The following MAD1L1 variants were observed in gnomAD, a reference collection of about 807,000 sequenced individuals.
MAD1L1 encodes the protein mitotic arrest deficient 1 like 1, also known as mitotic spindle assembly checkpoint protein MAD1.
In MAD1L1, 95 loss-of-function variants were observed where a neutral mutation model predicts 96.9. The ratio of observed to expected loss-of-function variants is 0.98; its 90% CI spans 0.83 to 1.16. The LOEUF (loss-of-function observed/expected upper bound fraction) is 1.16, where lower values mean the gene tolerates loss of function less well. Ranked by LOEUF, MAD1L1 falls within the 50% of genes most tolerant of loss-of-function variation. MAD1L1 has a pLI of 0.00. For synonymous variants in MAD1L1, 473 were observed against 396.6 expected (o/e 1.19, Z -2.29); for missense variants, 1,007 against 954.4 (o/e 1.06, Z -0.73).
intron 17 of MAD1L1, among the ~76,000 whole-genome samples, chr7:1,914,217 T>C (rs1429447721): frequency 1.3e-5 from 2 of 152,294 alleles, no homozygotes; most frequent in South Asian, 2.1e-4. Context: ...GAGATGGCGC[T>C]GTGATGGGTG....
chr7:1,863,578 C>G (rs376177744), intron 18 of MAD1L1, among the ~76,000 whole-genome samples: 35 of 152,240 alleles, frequency 2.3e-4, no homozygotes, highest in African/African-American at 8.4e-4. Flanking sequence ...ATCTCACCCC[C>G]AGACCCAGGA....
chr7:1,915,916 A>T (rs1360540889), intron 17 of MAD1L1, among the ~76,000 whole-genome samples: 1 of 152,214 alleles, frequency 6.6e-6, no homozygotes, highest in Non-Finnish European at 1.5e-5. Context: ...GATTCGTTAT[A>T]CTTCATCGAG....
In MAD1L1 at chr7:2,210,480, CCG is replaced by C. The variant is rs1792872176; in HGVS notation, c.986+2730_986+2731del. On this transcript the variant is annotated intron_variant, in intron 10 of 18. Coordinates refer to ENST00000265854, the MANE Select transcript of MAD1L1 (RefSeq NM_001013836.2). Reference sequence around the variant, plus strand: ...AGGAGCCGTATTCGGGACCGCCAGCCCGCATTCCCGTGGACTCTCTAGGAGCC... The same window carrying C: ...AGGAGCCGTATTCGGGACCGCCAGCCCATTCCCGTGGACTCTCTAGGAGCC... Among the ~76,000 whole-genome samples the C allele has an allele frequency of 2.4e-5, 3 of 126,878 alleles. 1 individual carries two copies. Among genetic ancestry groups the C allele is most frequent in the South Asian group, 6.3e-4 (2 of 3,170 alleles). 83.2% of individuals were successfully genotyped at this position (126,878 alleles called of 152,430 possible).
intron 11 of MAD1L1, among the ~76,000 whole-genome samples, chr7:2,140,825 A>C (rs371493197): frequency 1.1e-4 from 16 of 152,368 alleles, no homozygotes; most frequent in African/African-American, 3.8e-4. Flanking sequence ...AAACACTCAG[A>C]AAGTGATTGC....
At chr7:2,227,732 C>T (rs563612963) in intron 3 of MAD1L1, among the ~76,000 whole-genome samples, 23 of 152,286 alleles carry the variant, frequency 1.5e-4, no homozygotes, top group African/African-American at 5.3e-4. Context: ...TAAGACTGCC[C>T]TTCAAACTCA....
intron 14 of MAD1L1, among the ~76,000 whole-genome samples, chr7:1,995,668 A>G (rs540514592): frequency 1.3e-5 from 2 of 152,250 alleles, no homozygotes; most frequent in Admixed American, 1.3e-4. Context: ...CCTGGCCCCA[A>G]AGAGCCTCTC....
intron 18 of MAD1L1, among the ~76,000 whole-genome samples, chr7:1,862,609 C>T (rs1583585699): frequency 6.6e-6 from 1 of 152,384 alleles, no homozygotes; most frequent in East Asian, 1.9e-4. Context: ...TTGCTGGAGG[C>T]TGAGGGCATC....
intron 10 of MAD1L1, among the ~76,000 whole-genome samples, chr7:2,182,216 C>A (rs1303859331): frequency 1.3e-5 from 2 of 151,588 alleles, no homozygotes; most frequent in African/African-American, 4.9e-5. Flanking sequence ...TTTTGTCCCA[C>A]AATAAGTCAT....
rs546225981 is a variant in MAD1L1 at position 2,148,723 on chromosome 7, G to A, written c.1073+429C>T. ...TCCTGAGTGAGGGGCATGTCTCTTGGTATTCATAGTGAGCCCCTTCCAATC... is the reference window on the plus strand; with the variant it reads ...TCCTGAGTGAGGGGCATGTCTCTTGATATTCATAGTGAGCCCCTTCCAATC... On this transcript the variant is annotated intron_variant, in intron 11 of 18. Transcript: ENST00000265854. 7 of 181,300 alleles carry A rather than the reference G, an allele frequency of 3.9e-5. No homozygotes were observed. The South Asian group carries it at 9.9e-4, about 26-fold the overall frequency. 11.2% of individuals were successfully genotyped at this position (181,300 alleles called of 1,614,324 possible).
At chr7:2,180,188 C>T (rs1366451731) in intron 10 of MAD1L1, among the ~76,000 whole-genome samples, 2 of 152,140 alleles carry the variant, frequency 1.3e-5, no homozygotes, top group Non-Finnish European at 2.9e-5. Flanking sequence ...TCTAAGGGGC[C>T]ATGTCCGTGC....
At chr7:1,863,309 C>T (rs1784619589) in intron 18 of MAD1L1, among the ~76,000 whole-genome samples, 2 of 152,250 alleles carry the variant, frequency 1.3e-5, no homozygotes, top group Non-Finnish European at 1.5e-5. Flanking sequence ...TCTAGTTAGG[C>T]ACTGGTGAGG....
At chr7:2,063,739 G>C (rs567799879) in intron 12 of MAD1L1, among the ~76,000 whole-genome samples, 5 of 152,316 alleles carry the variant, frequency 3.3e-5, no homozygotes, top group African/African-American at 7.2e-5. Flanking sequence ...TCTTCCCGTG[G>C]GCACCACACC....
intron 11 of MAD1L1, among the ~76,000 whole-genome samples, chr7:2,130,468 C>T (rs1181164478): frequency 6.6e-6 from 1 of 152,158 alleles, no homozygotes; most frequent in Non-Finnish European, 1.5e-5. Flanking sequence ...ACGTCGTCTG[C>T]GGCAGGTCTG....
intron 10 of MAD1L1, among the ~76,000 whole-genome samples, chr7:2,190,533 T>C (rs767682075): frequency 2.0e-5 from 3 of 152,192 alleles, no homozygotes; most frequent in Admixed American, 6.5e-5. Context: ...GGAAGCCACG[T>C]ACCGGGAGAA....
rs145044204 is a variant in MAD1L1, at chr7:1,979,729, C to T, written c.1505+724G>A. 1.2e-3 allele frequency among the ~76,000 whole-genome samples: 178 copies of T among 152,320 alleles called. 1 individual carries two copies. The Middle Eastern group carries it at 0.017, about 15-fold the overall frequency. On this transcript the variant is annotated intron_variant, in intron 15 of 18. Coordinates refer to ENST00000265854, the MANE Select transcript of MAD1L1 (RefSeq NM_001013836.2). ...CAGAGAGCTGGCAGCATGTCTGAAG[C>T]GGAGCCCAAGGGCTGCTGGACACGC...
chr7:1,874,950 C>T (rs1194899999), intron 18 of MAD1L1, among the ~76,000 whole-genome samples: 4 of 152,166 alleles, frequency 2.6e-5, no homozygotes, highest in Non-Finnish European at 4.4e-5. Context: ...GCCCCCACCC[C>T]GGGCCCCGGC....
chr7:2,177,039 G>A (rs908202020), intron 10 of MAD1L1, among the ~76,000 whole-genome samples: 8 of 151,534 alleles, frequency 5.3e-5, no homozygotes, highest in Non-Finnish European at 8.8e-5. Context: ...GAAATGGTGC[G>A]CTTCAGTGGA....
At chr7:1,963,402 C>T (rs1209299412) in intron 15 of MAD1L1, among the ~76,000 whole-genome samples, 1 of 152,076 alleles carries the variant, frequency 6.6e-6, no homozygotes, top group African/African-American at 2.4e-5. Context: ...ATGGAAAGCA[C>T]GTCGGCGGGT....
intron 18 of MAD1L1, among the ~76,000 whole-genome samples, chr7:1,831,095 C>A (rs1255934574): frequency 6.6e-6 from 1 of 152,290 alleles, no homozygotes; most frequent in Non-Finnish European, 1.5e-5. Flanking sequence ...CATGAGCACA[C>A]CTCGCTTCAT....
Sources: gnomAD v4.1 joint callset for allele counts (sites outside exome capture counted in the v4.1 genomes callset) on GRCh38, gnomAD v4.1.1 for gene constraint, MANE v1.5 for transcripts, NCBI Gene and HGNC (gene_info 2026-07-23, HGNC 2026-07-21) for gene names.